Variants in LARP4B observed in about 807,000 individuals in gnomAD.
The protein encoded by LARP4B is La ribonucleoprotein 4B, also known as la-related protein 4B.
LARP4B carries 12 observed loss-of-function variants against 89.8 expected under a neutral mutation model. The ratio of observed to expected loss-of-function variants is 0.13; its 90% CI spans 0.09 to 0.22. The LOEUF (loss-of-function observed/expected upper bound fraction) is 0.22, where lower values mean the gene tolerates loss of function less well. Among genes scored for constraint, LARP4B ranks in the 10% least tolerant of loss-of-function variants. LARP4B has a pLI of 1.00. For missense variants in LARP4B, 757 were observed against 947.7 expected, an observed-to-expected ratio of 0.80 and a Z score of 2.64; for synonymous variants, 367 against 363.3, an observed-to-expected ratio of 1.01 and a Z score of -0.12.
the LARP4B span, chr10:988,139 C>T: frequency 1.5e-5 from 4 of 259,162 alleles, no homozygotes; most frequent in African/African-American, 6.8e-5. Flanking sequence ...TGGCCCAGGG[C>T]GCGTGGCTGG....
At chr10:873,195 A>G in intron 3 of LARP4B, 3 of 984,600 alleles carry the variant, frequency 3.0e-6, no homozygotes, top group Non-Finnish European at 3.6e-6. Flanking sequence ...AAGCCTCCAC[A>G]GACGCACCTC....
chr10:917,569 C>T (rs112629158), intron 1 of LARP4B, among the ~76,000 whole-genome samples: 4 of 152,270 alleles, frequency 2.6e-5, no homozygotes, highest in African/African-American at 9.6e-5. Flanking sequence ...AGCCTGGTAC[C>T]TTGTTTACAT....
At chr10:860,766 G>A (rs545178696) in intron 5 of LARP4B, among the ~76,000 whole-genome samples, 1 of 152,108 alleles carries the variant, frequency 6.6e-6, no homozygotes, top group Non-Finnish European at 1.5e-5. Flanking sequence ...CCAGCAACTT[G>A]TGGGGCTGAT....
intron 5 of LARP4B, among the ~76,000 whole-genome samples, chr10:850,718 C>T (rs1834001699): frequency 6.6e-6 from 1 of 151,964 alleles, no homozygotes; most frequent in Non-Finnish European, 1.5e-5. Context: ...ATATTTGAAG[C>T]CATAAAATAA....
the LARP4B span, chr10:986,101 A>G: frequency 6.6e-6 from 1 of 152,240 alleles, no homozygotes; most frequent in African/African-American, 2.4e-5. Flanking sequence ...TCAGGCAGGA[A>G]GTTCAGTTCT....
At chr10:945,509 AC>A in the LARP4B span, among the ~76,000 whole-genome samples, 2 of 149,946 alleles carry the variant, frequency 1.3e-5, no homozygotes, top group Non-Finnish European at 3.0e-5. Flanking sequence ...ATATGGTGAA[AC>A]CCCGTCTCTA....
At chr10:935,633 A>T (rs748873374), upstream of LARP4B, among the ~76,000 whole-genome samples, 2 of 152,120 alleles carry the variant, frequency 1.3e-5, no homozygotes, top group Non-Finnish European at 2.9e-5. Flanking sequence ...TCTACCAAAC[A>T]AATACAGCAT....
chr10:823,012 G>A (rs1400896383), intron 13 of LARP4B, among the ~76,000 whole-genome samples: 4 of 152,206 alleles, frequency 2.6e-5, no homozygotes, highest in Non-Finnish European at 4.4e-5. Context: ...TGGCTGCTGT[G>A]GATCAGGTTC....
chr10:863,635 G>A, intron 5 of LARP4B, 108 bp downstream of exon 5: 1 of 1,209,426 alleles, frequency 8.3e-7, no homozygotes, highest in Middle Eastern at 2.9e-4. Flanking sequence ...AGAATTAAAA[G>A]CAGGCAAAGA....
Position 853,298 on chromosome 10 carries a change from A to C in LARP4B, c.431-8243T>G, listed in dbSNP as rs754444585. On this transcript the variant is annotated intron_variant, in intron 5 of 17. Transcript: ENST00000316157. The stretch of plus-strand genomic sequence containing the variant: ...ACAAAGTTCTGTTTTCCCAGTGAAT[A>C]TAAAAATTATGAGTACACTAAACTG... Among the ~76,000 whole-genome samples the C allele has an allele frequency of 1.5e-4, 23 of 152,250 alleles. 1 individual carries two copies. Among genetic ancestry groups the C allele is most frequent in the Non-Finnish European group, 3.2e-4 (22 of 68,042 alleles).
At chr10:958,895 A>C in the LARP4B span, among the ~76,000 whole-genome samples, 26 of 152,276 alleles carry the variant, frequency 1.7e-4, no homozygotes, top group Admixed American at 1.7e-3. Context: ...ATGAAACATT[A>C]ATTCTGAAAG....
intron 3 of LARP4B, among the ~76,000 whole-genome samples, chr10:865,936 G>A (rs890073453): frequency 1.3e-5 from 2 of 152,128 alleles, no homozygotes; most frequent in Admixed American, 6.5e-5. Flanking sequence ...CAGTTTCTGC[G>A]GCCCAGAACA....
At chr10:987,870 C>G in the LARP4B span, 5 of 152,388 alleles carry the variant, frequency 3.3e-5, no homozygotes, top group Admixed American at 1.3e-4. Flanking sequence ...TGGGATTTAA[C>G]AAGCACGAGA....
At chr10:841,569 G>A (rs1833522851) in intron 7 of LARP4B, among the ~76,000 whole-genome samples, 1 of 152,238 alleles carries the variant, frequency 6.6e-6, no homozygotes, top group Admixed American at 6.5e-5. Context: ...TCCCAGTGGG[G>A]CAGCAGCGTT....
At chr10:935,076 T>A (rs2132084377), upstream of LARP4B, among the ~76,000 whole-genome samples, 1 of 152,310 alleles carries the variant, frequency 6.6e-6, no homozygotes, top group South Asian at 2.1e-4. Context: ...CAGCCCCCTG[T>A]GTTTCCTTTC....
At chr10:928,422 C>T (rs1293429213) in intron 1 of LARP4B, among the ~76,000 whole-genome samples, 6 of 152,112 alleles carry the variant, frequency 3.9e-5, no homozygotes, top group African/African-American at 7.2e-5. Flanking sequence ...TTTAACATGA[C>T]AATGAAATAA....
At chr10:853,804 G>A (rs1470294547) in intron 5 of LARP4B, among the ~76,000 whole-genome samples, 1 of 152,172 alleles carries the variant, frequency 6.6e-6, no homozygotes, top group Non-Finnish European at 1.5e-5. Flanking sequence ...GTTCAGGATG[G>A]TGGCTGCTGA....
chr10:807,028 C>G (rs576045584), downstream of LARP4B: 4 of 152,374 alleles, frequency 2.6e-5, no homozygotes, highest in Admixed American at 2.0e-4. Flanking sequence ...TCCCTTCAGA[C>G]AGGGCACAGG....
At chr10:930,708 ATTTT>A (rs898016143) in intron 1 of LARP4B, among the ~76,000 whole-genome samples, 1 of 152,062 alleles carries the variant, frequency 6.6e-6, no homozygotes, top group African/African-American at 2.4e-5. Context: ...ATCTGACTTT[ATTTT>A]TTTAACTCCT....
Sources: allele counts gnomAD v4.1 joint callset (sites outside exome capture counted in the v4.1 genomes callset), GRCh38; gene constraint gnomAD v4.1.1; transcripts MANE v1.5; gene names NCBI Gene and HGNC (gene_info 2026-07-23, HGNC 2026-07-21).